DNAH12: variants seen among roughly 807,000 people sequenced by gnomAD.
DNAH12 encodes the protein dynein axonemal heavy chain 12.
A neutral mutation model predicts 371.5 loss-of-function variants in DNAH12; 285 were observed. The observed-to-expected ratio is 0.77, with a 90% CI of 0.70 to 0.85. The LOEUF is 0.85. Among genes scored for constraint, DNAH12 ranks in the 40% least tolerant of loss-of-function variants. DNAH12 has a pLI of 0.00. For synonymous variants in DNAH12, 1,200 were observed against 1,213.0 expected, an observed-to-expected ratio of 0.99 and a Z score of 0.22; for missense variants, 3,611 against 3,689.4, an observed-to-expected ratio of 0.98 and a Z score of 0.55.
chr3:57,297,241 C>G, intron 70 of DNAH12: 1 of 464,018 alleles, frequency 2.2e-6, no homozygotes, highest in African/African-American at 1.9e-5. Flanking sequence ...TCTGCAAAAG[C>G]CAAATGTAAA....
intron 12 of DNAH12, among the ~76,000 whole-genome samples, chr3:57,484,325 G>A (rs895731861): frequency 2.0e-5 from 3 of 152,080 alleles, no homozygotes; most frequent in Non-Finnish European, 4.4e-5. Context: ...AATATCCCAT[G>A]TAGGATATGA....
At chr3:57,544,660 A>C (rs1443115832), upstream of DNAH12, among the ~76,000 whole-genome samples, 1 of 152,222 alleles carries the variant, frequency 6.6e-6, no homozygotes, top group Non-Finnish European at 1.5e-5. Context: ...CAAGTCTTCA[A>C]ATGTCCCCTA....
At chr3:57,484,335 A>G (rs1002746851) in intron 12 of DNAH12, among the ~76,000 whole-genome samples, 5 of 152,196 alleles carry the variant, frequency 3.3e-5, no homozygotes, top group Non-Finnish European at 7.3e-5. Context: ...GTAGGATATG[A>G]ACCTAGATAT....
At chr3:57,508,046 G>A (rs1185394371) in intron 7 of DNAH12, among the ~76,000 whole-genome samples, 1 of 151,750 alleles carries the variant, frequency 6.6e-6, no homozygotes, top group African/African-American at 2.4e-5. Context: ...AATTAGCTGG[G>A]TGTGGTGGTG....
At chr3:57,450,173 G>C (rs546993134) in intron 25 of DNAH12, among the ~76,000 whole-genome samples, 162 of 151,164 alleles carry the variant, frequency 1.1e-3, no homozygotes, top group Admixed American at 3.2e-3. Flanking sequence ...ACTTGAACCT[G>C]GGAGGCGGAG....
At chr3:57,499,056 C>T (rs2067419654) in intron 11 of DNAH12, among the ~76,000 whole-genome samples, 1 of 151,928 alleles carries the variant, frequency 6.6e-6, no homozygotes, top group South Asian at 2.1e-4. Flanking sequence ...GAATAAACTA[C>T]TGACACAAAA....
In DNAH12 at chr3:57,470,494, G is replaced by A. The variant is rs1223934439; in HGVS notation, c.2054C>T (p.Pro685Leu). The part of the protein sequence containing the change: ...ELDKLKVNIE[P>L]YQKFFNFVLK... ...AACAAAATTAAAAAACTTCTGATAG[G>A]GCTCAATGTTAACTTTTAATTTATC... The change falls in exon 16 of 74, where the codon CCC becomes CTC. Residue 685 changes from proline to leucine, a missense_variant. Around this residue, in one of 3 missense-constraint regions of DNAH12, gnomAD observed 1,314 missense variants for 1,398.7 expected, o/e 0.94. Coordinates refer to ENST00000495027, the MANE Select transcript of DNAH12 (RefSeq NM_001366028.2). 6.5e-7 allele frequency: 1 copy of A among 1,545,766 alleles called. No individual in the cohort carries two copies. Among genetic ancestry groups the A allele is most frequent in the Non-Finnish European group, 8.7e-7 (1 of 1,145,424 alleles).
At chr3:57,402,796 T>C (rs2063911299) in intron 43 of DNAH12, among the ~76,000 whole-genome samples, 2 of 152,202 alleles carry the variant, frequency 1.3e-5, no homozygotes, top group Admixed American at 6.5e-5. Context: ...TAACAATGTA[T>C]TGCATATTTC....
intron 60 of DNAH12, among the ~76,000 whole-genome samples, chr3:57,342,499 A>AAAAAAAAAAAAT (rs2062426617): frequency 6.8e-6 from 1 of 147,180 alleles, no homozygotes; most frequent in Non-Finnish European, 1.5e-5. Flanking sequence ...AAAAAAAAAA[A>AAAAAAAAAAAAT]AAAAAAAAAT....
At chr3:57,389,214 A>G (rs977215765) in intron 45 of DNAH12, among the ~76,000 whole-genome samples, 3,535 of 147,360 alleles carry the variant, frequency 0.024, 65 homozygotes, top group Admixed American at 0.036. Flanking sequence ...CCCCTCCATT[A>G]AAAAGCAGGT....
intron 13 of DNAH12, among the ~76,000 whole-genome samples, chr3:57,473,781 T>C (rs2066439162): frequency 6.6e-6 from 1 of 151,484 alleles, no homozygotes; most frequent in African/African-American, 2.4e-5. Context: ...CTATATATTA[T>C]GTATATACAA....
At chr3:57,491,302 T>A (rs1348929026) in intron 11 of DNAH12, among the ~76,000 whole-genome samples, 1 of 152,014 alleles carries the variant, frequency 6.6e-6, no homozygotes, top group African/African-American at 2.4e-5. Flanking sequence ...GCAAGAAATG[T>A]CAGGGTAATA....
intron 4 of DNAH12, among the ~76,000 whole-genome samples, chr3:57,514,765 T>G (rs2068128755): frequency 6.6e-6 from 1 of 152,150 alleles, no homozygotes; most frequent in Non-Finnish European, 1.5e-5. Context: ...TACCTGAATT[T>G]CAAGTTATTA....
chr3:57,534,797 C>CT (rs1282405634), intron 2 of DNAH12, among the ~76,000 whole-genome samples: 1 of 152,186 alleles, frequency 6.6e-6, no homozygotes, highest in Admixed American at 6.5e-5. Flanking sequence ...GTGTGAGTCA[C>CT]TATGCCTGGC....
intron 45 of DNAH12, among the ~76,000 whole-genome samples, chr3:57,388,966 A>G (rs2063552236): frequency 6.6e-6 from 1 of 152,084 alleles, no homozygotes; most frequent in African/African-American, 2.4e-5. Context: ...TGGTGAGTTA[A>G]TGGGTGCAGC....
intron 2 of DNAH12, among the ~76,000 whole-genome samples, chr3:57,540,242 G>T (rs1200511197): frequency 2.1e-5 from 3 of 144,088 alleles, no homozygotes; most frequent in Non-Finnish European, 4.5e-5. Context: ...GTAGAGACAG[G>T]GTTTTGCCAT....
intron 11 of DNAH12, among the ~76,000 whole-genome samples, chr3:57,493,176 T>C (rs964087902): frequency 6.6e-6 from 1 of 152,154 alleles, no homozygotes; most frequent in Non-Finnish European, 1.5e-5. Flanking sequence ...TATTGAGATA[T>C]ATGGTAAAAT....
At chr3:57,363,538 G>C (rs1178746881) in intron 58 of DNAH12, 56 bp downstream of exon 58, 2 of 152,038 alleles carry the variant, frequency 1.3e-5, no homozygotes, top group Non-Finnish European at 2.9e-5. Context: ...AGGATCTTAA[G>C]ATTTCTTAAT....
At chr3:57,339,959 T>C (rs149112878) in intron 60 of DNAH12, among the ~76,000 whole-genome samples, 1 of 152,048 alleles carries the variant, frequency 6.6e-6, no homozygotes, top group East Asian at 1.9e-4. Context: ...CAGTCCCAAC[T>C]ACTTGGGAGG....
Sources: gnomAD v4.1 joint callset for allele counts (sites outside exome capture counted in the v4.1 genomes callset) on GRCh38, gnomAD v4.1.1 for gene constraint, gnomAD v4.1.1 regional missense constraint, MANE v1.5 for transcripts, NCBI Gene and HGNC (gene_info 2026-07-23, HGNC 2026-07-21) for gene names.